The following PARD3B variants were observed in gnomAD, a reference collection of about 807,000 sequenced individuals.
PARD3B encodes partitioning defective 3 homolog B.
PARD3B carries 103 observed loss-of-function variants against 130.2 expected under a neutral mutation model. The ratio of observed to expected loss-of-function variants is 0.79; its 90% confidence interval spans 0.67 to 0.93. PARD3B has a LOEUF of 0.93. PARD3B is among the 40% of genes least tolerant of loss of function. The pLI is 0.00. For missense variants in PARD3B, 1,609 were observed against 1,499.2 expected (o/e 1.07, Z -1.21); for synonymous variants, 583 against 553.2 (o/e 1.05, Z -0.76).
chr2:205,077,288 G>C (rs1251767077), intron 4 of PARD3B, among the ~76,000 whole-genome samples: 2 of 152,096 alleles, frequency 1.3e-5, no homozygotes, highest in African/African-American at 4.8e-5. Context: ...ACAGAACTTT[G>C]CTTGGTTTTG....
intron 19 of PARD3B, among the ~76,000 whole-genome samples, chr2:205,415,942 G>A (rs890873365): frequency 6.6e-6 from 1 of 152,044 alleles, no homozygotes; most frequent in African/African-American, 2.4e-5. Context: ...CTTTTCTAGG[G>A]CATTTGAAAA....
intron 1 of PARD3B, among the ~76,000 whole-genome samples, chr2:204,639,287 A>G (rs1398302749): frequency 1.3e-5 from 2 of 152,212 alleles, no homozygotes; most frequent in Admixed American, 6.5e-5. Context: ...CTTATTAGTT[A>G]AAGACCAGAA....
chr2:205,123,590 G>A (rs1199633341), intron 8 of PARD3B, among the ~76,000 whole-genome samples: 1 of 149,768 alleles, frequency 6.7e-6, no homozygotes, highest in Non-Finnish European at 1.5e-5. Flanking sequence ...AGTGATGGAT[G>A]TGATGTGATC....
rs2035932664 is a variant in PARD3B, at chr2:205,183,760, G to GTT, written c.1925-2003_1925-2002insTT. ...TGTGTGTGTGTGTGTGTGTGTGTGT[G>GTT]TGTGTGTGTGTGTGAACAGATTTAT... On this transcript the variant is annotated intron_variant, in intron 13 of 22. Coordinates refer to ENST00000406610, the MANE Select transcript of PARD3B (RefSeq NM_001302769.2). The surrounding 1 kb of genome is among the most constrained non-coding windows in gnomAD (Gnocchi z 5.2). 6.6e-6 allele frequency among the ~76,000 whole-genome samples: 1 copy of GTT among 151,518 alleles called. No individual in the cohort carries two copies. Among genetic ancestry groups the GTT allele is most frequent in the Non-Finnish European group, 1.5e-5 (1 of 67,910 alleles).
chr2:205,379,867 A>C (rs982208708), intron 18 of PARD3B, among the ~76,000 whole-genome samples: 5 of 151,776 alleles, frequency 3.3e-5, no homozygotes, highest in Non-Finnish European at 5.9e-5. Context: ...CAGGAGACTG[A>C]GACCATCTTG....
intron 4 of PARD3B, among the ~76,000 whole-genome samples, chr2:205,085,261 G>GT (rs1164410347): frequency 3.3e-5 from 5 of 151,814 alleles, no homozygotes; most frequent in Non-Finnish European, 7.4e-5. Context: ...AGTAGTACAA[G>GT]TTTTTTTAAG....
At chr2:205,484,247 T>C (rs2049353379) in intron 20 of PARD3B, among the ~76,000 whole-genome samples, 1 of 152,218 alleles carries the variant, frequency 6.6e-6, no homozygotes, top group African/African-American at 2.4e-5. Context: ...ACCTTTCATC[T>C]GAAAAGTTAC....
At chr2:205,320,260 G>A (rs1345524656) in intron 18 of PARD3B, among the ~76,000 whole-genome samples, 1 of 142,478 alleles carries the variant, frequency 7.0e-6, no homozygotes, top group Non-Finnish European at 1.5e-5. Context: ...AGGAAGGAAG[G>A]AAAGAAGGAA....
Position 205,158,394 on chromosome 2 carries a change from C to T in PARD3B, c.1435-328C>T, listed in dbSNP as rs1225665337. On this transcript the variant is annotated intron_variant, in intron 10 of 22. Transcript: ENST00000406610. This position sits in a 1 kb window ranked among gnomAD's most constrained non-coding sequence, Gnocchi z 5.4. ...ACCCAGGGCACCCTAAGTCTAATGT[C>T]CAGCCTTTTTTATTATGGAGAATAT... Among the ~76,000 whole-genome samples the T allele has an allele frequency of 6.6e-6, 1 of 152,206 alleles. No homozygotes were observed. Among genetic ancestry groups the T allele is most frequent in the East Asian group, 1.9e-4 (1 of 5,190 alleles).
chr2:205,050,835 T>G (rs1416877893), intron 4 of PARD3B, among the ~76,000 whole-genome samples: 3 of 152,078 alleles, frequency 2.0e-5, no homozygotes, highest in African/African-American at 7.2e-5. Flanking sequence ...ATGAGATAGT[T>G]TGAGTCCTGG....
chr2:204,908,820 G>A (rs923752596), intron 2 of PARD3B, among the ~76,000 whole-genome samples: 1 of 152,152 alleles, frequency 6.6e-6, no homozygotes, highest in African/African-American at 2.4e-5. Context: ...AAGAAGAGAT[G>A]TTTACTTTTT....
At chr2:205,243,253 CTCTT>C (rs1362078997) in intron 15 of PARD3B, among the ~76,000 whole-genome samples, 3 of 151,664 alleles carry the variant, frequency 2.0e-5, no homozygotes, top group African/African-American at 7.3e-5. Flanking sequence ...ATGTTAGTCT[CTCTT>C]TCTATTTTGT....
chr2:205,400,070 G>A (rs1050393914), intron 18 of PARD3B, among the ~76,000 whole-genome samples: 2 of 152,156 alleles, frequency 1.3e-5, no homozygotes, highest in African/African-American at 4.8e-5. Flanking sequence ...CTGTCATGGT[G>A]TAATTCCAGG....
chr2:205,567,102 T>C (rs368419211), intron 22 of PARD3B, among the ~76,000 whole-genome samples: 1 of 151,990 alleles, frequency 6.6e-6, no homozygotes. Context: ...CACTAAAATA[T>C]TAAAGGGTAA....
chr2:205,198,383 A>G (rs1329366303), intron 15 of PARD3B, among the ~76,000 whole-genome samples: 1 of 152,226 alleles, frequency 6.6e-6, no homozygotes, highest in Non-Finnish European at 1.5e-5. Context: ...TCCATGTCTC[A>G]TAGTCTTTTA....
chr2:204,570,826 G>T (rs1254821076), intron 1 of PARD3B, among the ~76,000 whole-genome samples: 3 of 150,622 alleles, frequency 2.0e-5, no homozygotes, highest in Non-Finnish European at 4.4e-5. Context: ...TGTAACTGAG[G>T]TGTATAAGCT....
Position 205,584,246 on chromosome 2 carries a change from A to C in PARD3B, c.3260+30843A>C, listed in dbSNP as rs183016696. 6.6e-6 allele frequency among the ~76,000 whole-genome samples: 1 copy of C among 152,234 alleles called. No individual in the cohort carries two copies. The highest frequency in any genetic ancestry group is 2.4e-5 in the African/African-American group (1 of 41,460). The stretch of plus-strand genomic sequence containing the variant: ...CCAGGTCCCAAGACTTAATGCCAAA[A>C]GCAAAAGAATATTAAATATAAATTA... On this transcript the variant is annotated intron_variant, in intron 22 of 22. Coordinates refer to ENST00000406610, the MANE Select transcript of PARD3B (RefSeq NM_001302769.2). This position sits in a 1 kb window ranked among gnomAD's most constrained non-coding sequence, Gnocchi z 5.5.
At chr2:205,076,619 GC>G (rs1424170214) in intron 4 of PARD3B, among the ~76,000 whole-genome samples, 1 of 152,156 alleles carries the variant, frequency 6.6e-6, no homozygotes, top group African/African-American at 2.4e-5. Flanking sequence ...AGCACTGCCT[GC>G]GCTCAGGCTC....
rs1257704222 is a variant in PARD3B at position 204,940,544 on chromosome 2, A to AC, written c.223-24607dup. Reference sequence around the variant, plus strand: ...CTGGGGTTGATTTCACTGTTCATGTACATGAATATCATTACAAAAAAAATT... The same window carrying AC: ...CTGGGGTTGATTTCACTGTTCATGTACCATGAATATCATTACAAAAAAAATT... On this transcript the variant is annotated intron_variant, in intron 2 of 22. Transcript: ENST00000406610. 7.2e-5 allele frequency among the ~76,000 whole-genome samples: 11 copies of AC among 151,856 alleles called. No individual in the cohort carries two copies. In the East Asian group the frequency reaches 2.1e-3, roughly 29 times the overall value.
Sources: allele counts gnomAD v4.1 joint callset (sites outside exome capture counted in the v4.1 genomes callset), GRCh38; gene constraint gnomAD v4.1.1; non-coding constraint Gnocchi (gnomAD v3.1); transcripts MANE v1.5; gene names NCBI Gene and HGNC (gene_info 2026-07-23, HGNC 2026-07-21).